Variants in ZNF385B observed in about 807,000 individuals in gnomAD.
ZNF385B encodes zinc finger protein 533.
A neutral mutation model predicts 39.2 loss-of-function variants in ZNF385B; 23 were observed. That is an observed-to-expected ratio of 0.59 (90% confidence interval 0.42 to 0.83). The LOEUF (loss-of-function observed/expected upper bound fraction) is 0.83. ZNF385B is among the 40% of genes least tolerant of loss of function. The pLI is 0.00. For synonymous variants in ZNF385B, 205 were observed against 222.6 expected (o/e 0.92, Z 0.70); for missense variants, 552 against 598.9 (o/e 0.92, Z 0.82).
chr2:179,469,919 C>G (rs918188365), intron 6 of ZNF385B, among the ~76,000 whole-genome samples: 3 of 152,170 alleles, frequency 2.0e-5, no homozygotes, highest in African/African-American at 7.2e-5. Context: ...TAGGCATGTA[C>G]AGATCATAAG....
intron 3 of ZNF385B, among the ~76,000 whole-genome samples, chr2:179,626,135 C>G (rs1312476845): frequency 6.6e-6 from 1 of 152,050 alleles, no homozygotes; most frequent in Non-Finnish European, 1.5e-5. Flanking sequence ...TGCATGCACA[C>G]CTGAAACATA....
chr2:179,785,691 T>A (rs1704955227), intron 1 of ZNF385B, among the ~76,000 whole-genome samples: 1 of 152,138 alleles, frequency 6.6e-6, no homozygotes, highest in African/African-American at 2.4e-5. Flanking sequence ...AAAATGTGAC[T>A]GAACTGCTAC....
chr2:179,597,615 T>TA (rs1415049195), intron 3 of ZNF385B, among the ~76,000 whole-genome samples: 5 of 152,338 alleles, frequency 3.3e-5, no homozygotes, highest in African/African-American at 1.2e-4. Flanking sequence ...TCACACGACA[T>TA]ACGCACAGAT....
rs1314726732 is a variant in ZNF385B at position 179,666,889 on chromosome 2, T to A, written c.298+102614A>T. Among the ~76,000 whole-genome samples, 2 of 148,148 alleles carry A rather than the reference T, an allele frequency of 1.3e-5. 1 individual carries two copies. Among genetic ancestry groups the A allele is most frequent in the Middle Eastern group, 6.9e-3 (2 of 290 alleles). ...AACAGACTCCAACATCTGACAAAAA[T>A]ACCTGTAGCTGTTGTTGTTGTTTTT... On this transcript the variant is annotated intron_variant, in intron 3 of 9. Transcript: ENST00000410066.
In ZNF385B at chr2:179,737,508, ATATCT is replaced by A. The variant is rs1263781050; in HGVS notation, c.298+31990_298+31994del. ...TAATCCGGCTCCATATCGCCCATCAATATCTACCTGTTTTAGGTTTTAACTTTCAG... is the reference window on the plus strand; with the variant it reads ...TAATCCGGCTCCATATCGCCCATCAAACCTGTTTTAGGTTTTAACTTTCAG... On this transcript the variant is annotated intron_variant, in intron 3 of 9. Coordinates refer to ENST00000410066, the MANE Select transcript of ZNF385B (RefSeq NM_152520.6). Among the ~76,000 whole-genome samples the A allele has an allele frequency of 7.5e-3, 1,142 of 152,232 alleles. 10 individuals are homozygous for A. The highest frequency in any genetic ancestry group is 0.025 in the African/African-American group (1,050 of 41,544).
At chr2:179,453,308 T>A (rs1319916667) in intron 6 of ZNF385B, among the ~76,000 whole-genome samples, 1 of 152,154 alleles carries the variant, frequency 6.6e-6, no homozygotes, top group Admixed American at 6.6e-5. Context: ...TGGTATTTAG[T>A]ATTACAGCAT....
chr2:179,589,247 C>T (rs1291239355), intron 3 of ZNF385B, among the ~76,000 whole-genome samples: 1 of 152,178 alleles, frequency 6.6e-6, no homozygotes, highest in African/African-American at 2.4e-5. Context: ...TACTCTCTAG[C>T]TGCTCAATGG....
chr2:179,494,786 C>T (rs2056019966), intron 5 of ZNF385B, among the ~76,000 whole-genome samples: 1 of 151,784 alleles, frequency 6.6e-6, no homozygotes. Flanking sequence ...TTTTTTCTTT[C>T]TTTTATTTGT....
chr2:179,542,639 T>C (rs1398349723), intron 4 of ZNF385B, among the ~76,000 whole-genome samples: 1 of 152,198 alleles, frequency 6.6e-6, no homozygotes, highest in Non-Finnish European at 1.5e-5. Context: ...AAATCCTTTA[T>C]GAAGGTATTC....
chr2:179,818,288 C>T (rs1323217318), intron 1 of ZNF385B, among the ~76,000 whole-genome samples: 1 of 152,138 alleles, frequency 6.6e-6, no homozygotes, highest in African/African-American at 2.4e-5. Flanking sequence ...TGTTAATTAA[C>T]CTCAGTAGAA....
At chr2:179,654,354 T>A (rs1256620495) in intron 3 of ZNF385B, among the ~76,000 whole-genome samples, 1 of 152,114 alleles carries the variant, frequency 6.6e-6, no homozygotes, top group African/African-American at 2.4e-5. Context: ...GAAGCCAGGA[T>A]GAAAACTTAG....
intron 5 of ZNF385B, among the ~76,000 whole-genome samples, chr2:179,493,809 A>ATATGTATACATATATGTATGTATATG (rs2055845492): frequency 6.9e-6 from 1 of 145,518 alleles, no homozygotes; most frequent in African/African-American, 2.5e-5. Flanking sequence ...ATGTATATAT[A>ATATGTATACATATATGTATGTATATG]CATATATATA....
At chr2:179,473,468 T>C (rs1220700849) in intron 6 of ZNF385B, among the ~76,000 whole-genome samples, 1 of 152,174 alleles carries the variant, frequency 6.6e-6, no homozygotes, top group African/African-American at 2.4e-5. Flanking sequence ...GCAGCTTCCA[T>C]GTATTAGTTC....
intron 4 of ZNF385B, 110 bp downstream of exon 4, chr2:179,544,717 T>C: frequency 2.2e-6 from 3 of 1,364,638 alleles, no homozygotes; most frequent in African/African-American, 1.4e-5. Flanking sequence ...ATAACCAATA[T>C]ATGGTCTAAA....
At chr2:179,837,655 G>A (rs1482615465) in intron 1 of ZNF385B, among the ~76,000 whole-genome samples, 1 of 152,182 alleles carries the variant, frequency 6.6e-6, no homozygotes, top group Non-Finnish European at 1.5e-5. Flanking sequence ...GGTATTTTGA[G>A]GGTATTCGAG....
chr2:179,741,198 T>C (rs917343173), intron 3 of ZNF385B, among the ~76,000 whole-genome samples: 1 of 152,136 alleles, frequency 6.6e-6, no homozygotes, highest in Admixed American at 6.6e-5. Flanking sequence ...ACAGAAAGGT[T>C]AGGTTTAAGA....
intron 3 of ZNF385B, among the ~76,000 whole-genome samples, chr2:179,703,964 C>A (rs1476929269): frequency 6.6e-6 from 1 of 152,168 alleles, no homozygotes; most frequent in Admixed American, 6.5e-5. Flanking sequence ...GATAAATGAC[C>A]TTTTCTGTCA....
chr2:179,498,399 T>G (rs562318365), intron 5 of ZNF385B, among the ~76,000 whole-genome samples: 3 of 152,008 alleles, frequency 2.0e-5, no homozygotes, highest in Non-Finnish European at 2.9e-5. Flanking sequence ...ATTCTTTTCC[T>G]CAACACATGG....
At chr2:179,515,390 GAGATGTTTTCA>G (rs2058019973) in intron 5 of ZNF385B, among the ~76,000 whole-genome samples, 1 of 152,170 alleles carries the variant, frequency 6.6e-6, no homozygotes, top group Admixed American at 6.5e-5. Context: ...ATTGTACTGA[GAGATGTTTTCA>G]AGCATCTGGC....
Sources: allele counts gnomAD v4.1 joint callset (sites outside exome capture counted in the v4.1 genomes callset), GRCh38; gene constraint gnomAD v4.1.1; transcripts MANE v1.5; gene names NCBI Gene and HGNC (gene_info 2026-07-23, HGNC 2026-07-21).